Variants in NAV1 observed in about 807,000 individuals in gnomAD.
NAV1 encodes neuron navigator 1, also known as pore membrane and/or filament interacting like protein 3.
A neutral mutation model predicts 175.2 loss-of-function variants in NAV1; 18 were observed. That is an observed-to-expected ratio of 0.10 (90% CI 0.07 to 0.15). The LOEUF is 0.15. Ranked by LOEUF, NAV1 falls within the 10% of genes least tolerant of loss-of-function variation. The pLI is 1.00. For synonymous variants in NAV1, 897 were observed against 978.7 expected (o/e 0.92, Z 1.56); for missense variants, 1,731 against 2,436.6 (o/e 0.71, Z 6.10).
At position 201,788,526 on chromosome 1, in the gene NAV1, C is replaced by T. The variant is rs375910267; in HGVS notation, c.3054C>T (p.His1018=). 254 of 1,614,086 alleles carry T rather than the reference C, an allele frequency of 1.6e-4. No individual in the cohort carries two copies. Among genetic ancestry groups the T allele is most frequent in the Non-Finnish European group, 2.1e-4 (245 of 1,180,036 alleles). The change falls in exon 10 of 30, where the codon CAC becomes CAT. Residue 1018 remains histidine, a synonymous_variant. Transcript: ENST00000367296. The surrounding 1 kb of genome is among the most constrained non-coding windows in gnomAD (Gnocchi z 5.7). ...CCCGCTCCAACAGCATCCCCACCCA[C>T]GAGGCGGCCTTCGAGCTGTACAGCG...
chr1:201,632,539 C>T (rs905286574), intron 2 of NAV1, among the ~76,000 whole-genome samples: 2 of 152,234 alleles, frequency 1.3e-5, no homozygotes, highest in African/African-American at 2.4e-5. Context: ...CCAAGGCTGA[C>T]GTTACCGCGT....
At chr1:201,714,001 G>C (rs1311928775) in intron 2 of NAV1, among the ~76,000 whole-genome samples, 1 of 152,088 alleles carries the variant, frequency 6.6e-6, no homozygotes, top group East Asian at 1.9e-4. Context: ...TTTAAAGACC[G>C]AGTCTCATTC....
intron 1 of NAV1, among the ~76,000 whole-genome samples, chr1:201,702,858 TC>T (rs1485312317): frequency 1.3e-5 from 2 of 152,176 alleles, no homozygotes; most frequent in African/African-American, 4.8e-5. Flanking sequence ...TCCCCAGGCT[TC>T]CGTTTTTCTC....
chr1:201,732,771 T>A (rs914685968), intron 3 of NAV1, among the ~76,000 whole-genome samples: 1 of 152,124 alleles, frequency 6.6e-6, no homozygotes, highest in African/African-American at 2.4e-5. Flanking sequence ...GCTCTTAAAC[T>A]CATGTATGAA....
At chr1:201,771,398 C>T (rs187535352) in intron 3 of NAV1, among the ~76,000 whole-genome samples, 59 of 150,776 alleles carry the variant, frequency 3.9e-4, no homozygotes, top group African/African-American at 1.4e-3. Context: ...GTAATCCTAG[C>T]TGAGGCAGGA....
chr1:201,565,127 T>A (rs992238597), intron 1 of NAV1, among the ~76,000 whole-genome samples: 1 of 152,202 alleles, frequency 6.6e-6, no homozygotes, highest in African/African-American at 2.4e-5. Flanking sequence ...TTATTCTGCC[T>A]ACCACAGAGA....
At chr1:201,690,597 C>T (rs1002215884) in intron 1 of NAV1, among the ~76,000 whole-genome samples, 2 of 143,486 alleles carry the variant, frequency 1.4e-5, no homozygotes, top group African/African-American at 5.2e-5. Context: ...TGTCTGTTTC[C>T]TCTGTGGCTC....
At chr1:201,547,840 G>A (rs1245812399) in intron 1 of NAV1, among the ~76,000 whole-genome samples, 2 of 152,042 alleles carry the variant, frequency 1.3e-5, no homozygotes, top group Non-Finnish European at 2.9e-5. Flanking sequence ...TGTTGCCCAG[G>A]CTAGAGTGCA....
In NAV1 at chr1:201,824,739, AT is replaced by A. The variant is rs1205676099; in HGVS notation, c.*4808del. On this transcript the variant is annotated 3_prime_UTR_variant, in exon 30 of 30. Transcript: ENST00000367296. Reference sequence around the variant, plus strand: ...GGGTGGTCATGGAAGTAAGTGAGTGATCCCCTGGTTTCTCATTCCTTAAAGC... The same window carrying A: ...GGGTGGTCATGGAAGTAAGTGAGTGACCCCTGGTTTCTCATTCCTTAAAGC... 7 of 152,220 alleles carry A rather than the reference AT, an allele frequency of 4.6e-5. No individual in the cohort carries two copies. In the East Asian group the frequency reaches 1.4e-3, roughly 29 times the overall value. The allele number at this position is 152,220 out of a possible 1,614,324, so 9.4% of individuals were successfully genotyped here. A position where few individuals can be genotyped will look rare whatever the true frequency, so the allele number is the denominator to read the frequency against.
chr1:201,702,672 T>TTCTC (rs756726434), intron 1 of NAV1, among the ~76,000 whole-genome samples: 10 of 1,706 alleles, frequency 5.9e-3, no homozygotes, highest in African/African-American at 7.7e-3. Flanking sequence ...GGTATGTGAA[T>TTCTC]TCTCTCTCTC....
chr1:201,649,491 T>C, intron 1 of NAV1, 66 bp downstream of exon 5: 2 of 1,433,578 alleles, frequency 1.4e-6, no homozygotes, highest in Non-Finnish European at 1.8e-6. Context: ...GGGGAAGGTG[T>C]GGGGAAAGCG....
chr1:201,812,680 C>T lies in NAV1; in HGVS notation c.5221+19C>T. 1 of 1,607,864 alleles carries T rather than the reference C, an allele frequency of 6.2e-7. No homozygotes were observed. Among genetic ancestry groups the T allele is most frequent in the Non-Finnish European group, 8.5e-7 (1 of 1,175,892 alleles). ...CTCATCGGTACTGGGGTCCAGCTTC[C>T]CCCGGGGGTCAGGAGGTGGCTTCCC... On this transcript the variant is annotated intron_variant, in intron 27 of 29. Transcript: ENST00000367296. The surrounding 1 kb of genome is among the most constrained non-coding windows in gnomAD (Gnocchi z 4.6).
intron 1 of NAV1, among the ~76,000 whole-genome samples, chr1:201,663,561 G>A (rs1321286110): frequency 6.6e-6 from 1 of 152,174 alleles, no homozygotes; most frequent in East Asian, 1.9e-4. Context: ...AAGCCCTCTG[G>A]TGGTCCTCCA....
At chr1:201,542,247 G>A (rs756569273) in intron 1 of NAV1, among the ~76,000 whole-genome samples, 2 of 152,128 alleles carry the variant, frequency 1.3e-5, no homozygotes, top group Non-Finnish European at 2.9e-5. Context: ...CTCAGCAGAT[G>A]TTACTTACCT....
In NAV1 at chr1:201,808,174, A is replaced by T. The variant is rs1477765468; in HGVS notation, c.3845+25A>T. On this transcript the variant is annotated intron_variant, in intron 18 of 29. Coordinates refer to ENST00000367296, the Ensembl canonical transcript of NAV1. The surrounding 1 kb of genome is among the most constrained non-coding windows in gnomAD (Gnocchi z 5.5). ...AGTAAGTGCTCTTTGGCTCCCTGCC[A>T]CCCAGCCTGTTACCAGTGTAAGCTG... 6.2e-7 allele frequency: 1 copy of T among 1,612,070 alleles called. No homozygotes were observed. The highest frequency in any genetic ancestry group is 1.7e-5 in the Admixed American group (1 of 59,950).
At chr1:201,777,623 A>C (rs990393210) in intron 3 of NAV1, among the ~76,000 whole-genome samples, 8 of 141,416 alleles carry the variant, frequency 5.7e-5, no homozygotes, top group Non-Finnish European at 1.3e-4. Context: ...ATTCAAATGT[A>C]ATAGTGGGTT....
chr1:201,623,610 A>G lies in NAV1; in HGVS notation c.-101+4A>G. 4 of 986,258 alleles carry G rather than the reference A, an allele frequency of 4.1e-6. No homozygotes were observed. The highest frequency in any genetic ancestry group is 3.6e-6 in the Non-Finnish European group (3 of 830,264). 61.1% of individuals were successfully genotyped at this position (986,258 alleles called of 1,614,324 possible). A position where few individuals can be genotyped will look rare whatever the true frequency, so the allele number is the denominator to read the frequency against. ...CGGTGGCCCCCTTCCAGTACAGGTG[A>G]GCTGGGGAGCAGGCAGGGAGGGAAG... On this transcript the variant is annotated splice_donor_region_variant and intron_variant, in intron 1 of 29. Coordinates refer to the NAV1 transcript ENST00000367302.
intron 1 of NAV1, among the ~76,000 whole-genome samples, chr1:201,543,078 T>C (rs1484640743): frequency 6.6e-6 from 1 of 152,246 alleles, no homozygotes; most frequent in East Asian, 1.9e-4. Flanking sequence ...TGAATAGAAA[T>C]AGTTTTACGT....
chr1:201,702,671 A>C, intron 1 of NAV1, among the ~76,000 whole-genome samples: 1 of 105,964 alleles, frequency 9.4e-6, no homozygotes, highest in Admixed American at 9.9e-5. Flanking sequence ...TGGTATGTGA[A>C]TTCTCTCTCT....
Sources: gnomAD v4.1 joint callset for allele counts (sites outside exome capture counted in the v4.1 genomes callset) on GRCh38, gnomAD v4.1.1 for gene constraint, Gnocchi (gnomAD v3.1) non-coding constraint, MANE v1.5 for transcripts, NCBI Gene and HGNC (gene_info 2026-07-23, HGNC 2026-07-21) for gene names.